The following FRMD5 variants were observed in gnomAD, a reference collection of about 807,000 sequenced individuals.
FRMD5 encodes the protein FERM domain-containing protein 5.
A neutral mutation model predicts 69.0 loss-of-function variants in FRMD5; 20 were observed. The ratio of observed to expected loss-of-function variants is 0.29; its 90% CI spans 0.20 to 0.42. The LOEUF is 0.42. Among genes scored for constraint, FRMD5 ranks in the 10% least tolerant of loss-of-function variants. The pLI is 1.00. For missense variants in FRMD5, 595 were observed against 708.6 expected (o/e 0.84, Z 1.82); for synonymous variants, 271 against 260.1 (o/e 1.04, Z -0.40).
intron 1 of FRMD5, among the ~76,000 whole-genome samples, chr15:44,192,179 T>A (rs1302668395): frequency 6.6e-6 from 1 of 152,060 alleles, no homozygotes; most frequent in African/African-American, 2.4e-5. Flanking sequence ...TGAAAAGATA[T>A]AAGGCATTTT....
At chr15:43,924,665 G>A (rs2089552137) in intron 1 of FRMD5, among the ~76,000 whole-genome samples, 1 of 152,104 alleles carries the variant, frequency 6.6e-6, no homozygotes, top group Non-Finnish European at 1.5e-5. Context: ...AGCTGACTGA[G>A]CCTCTAAAGT....
intron 1 of FRMD5, among the ~76,000 whole-genome samples, chr15:44,067,587 C>A (rs765388846): frequency 1.8e-4 from 27 of 152,270 alleles, no homozygotes; most frequent in Admixed American, 9.2e-4. Context: ...TTGCTGCATC[C>A]TCAGAGGGTG....
intron 1 of FRMD5, among the ~76,000 whole-genome samples, chr15:44,055,761 T>C (rs574566049): frequency 1.3e-5 from 2 of 152,308 alleles, no homozygotes; most frequent in African/African-American, 4.8e-5. Flanking sequence ...CCTCTGATCT[T>C]AACTATTGTG....
intron 1 of FRMD5, among the ~76,000 whole-genome samples, chr15:44,071,842 C>G (rs993339821): frequency 6.6e-6 from 1 of 152,048 alleles, no homozygotes; most frequent in African/African-American, 2.4e-5. Context: ...ACTATATACA[C>G]AAGTGCTTGT....
At chr15:43,978,962 T>C (rs149976207) in intron 1 of FRMD5, among the ~76,000 whole-genome samples, 1 of 152,358 alleles carries the variant, frequency 6.6e-6, no homozygotes, top group Non-Finnish European at 1.5e-5. Context: ...GGCAAAATAC[T>C]GTCTCCTAAA....
At chr15:44,025,582 A>C (rs1309119940) in intron 1 of FRMD5, among the ~76,000 whole-genome samples, 2 of 152,256 alleles carry the variant, frequency 1.3e-5, no homozygotes, top group African/African-American at 4.8e-5. Context: ...TACTCTATGC[A>C]TTAAATGGTA....
chr15:43,882,016 C>A (rs896013037), intron 13 of FRMD5, among the ~76,000 whole-genome samples: 3 of 152,178 alleles, frequency 2.0e-5, no homozygotes, highest in African/African-American at 7.2e-5. Context: ...CAGGTATGAA[C>A]CAATTCTGCT....
intron 1 of FRMD5, among the ~76,000 whole-genome samples, chr15:44,128,968 G>A (rs1474799222): frequency 6.6e-6 from 1 of 152,160 alleles, no homozygotes; most frequent in Non-Finnish European, 1.5e-5. Context: ...CAGCAGCTAG[G>A]AGTACAACAT....
intron 5 of FRMD5, among the ~76,000 whole-genome samples, chr15:43,906,176 G>A (rs1020521956): frequency 1.3e-5 from 2 of 152,250 alleles, no homozygotes; most frequent in South Asian, 2.1e-4. Context: ...TCAAGTCTAT[G>A]CAGAGAGACA....
intron 1 of FRMD5, among the ~76,000 whole-genome samples, chr15:43,958,073 T>C (rs1023838856): frequency 2.0e-5 from 3 of 152,220 alleles, no homozygotes; most frequent in Non-Finnish European, 2.9e-5. Flanking sequence ...CTGAATTTTG[T>C]CTTTCAGGTT....
chr15:44,065,554 C>T (rs975771564), intron 1 of FRMD5, among the ~76,000 whole-genome samples: 3 of 152,070 alleles, frequency 2.0e-5, no homozygotes, highest in Non-Finnish European at 4.4e-5. Context: ...AGGTTGAGTA[C>T]GATCTAGTAC....
chr15:43,916,926 G>C (rs1169453078), intron 4 of FRMD5, among the ~76,000 whole-genome samples: 1 of 151,668 alleles, frequency 6.6e-6, no homozygotes, highest in Non-Finnish European at 1.5e-5. Flanking sequence ...TTAAAGGTGT[G>C]CACCACCACA....
chr15:44,102,499 A>C (rs1360763629), intron 1 of FRMD5, among the ~76,000 whole-genome samples: 1 of 152,236 alleles, frequency 6.6e-6, no homozygotes, highest in African/African-American at 2.4e-5. Context: ...AGGGCTGTGG[A>C]GAAATCAGGG....
At chr15:43,939,008 T>C (rs913546020) in intron 1 of FRMD5, among the ~76,000 whole-genome samples, 2 of 151,904 alleles carry the variant, frequency 1.3e-5, no homozygotes, top group African/African-American at 2.4e-5. Context: ...ATTACAAGCA[T>C]GCACCACCAC....
At chr15:43,905,079 CTG>C (rs2089138056) in intron 6 of FRMD5, among the ~76,000 whole-genome samples, 1 of 151,966 alleles carries the variant, frequency 6.6e-6, no homozygotes, top group Admixed American at 6.6e-5. Context: ...ACCTGTCACA[CTG>C]TCACAGACTA....
At chr15:43,943,478 T>C (rs1370288330) in intron 1 of FRMD5, among the ~76,000 whole-genome samples, 1 of 152,234 alleles carries the variant, frequency 6.6e-6, no homozygotes, top group Non-Finnish European at 1.5e-5. Flanking sequence ...CTGGGTAGAA[T>C]AGTGTCCCCC....
At chr15:44,049,190 G>A (rs1595669667) in intron 1 of FRMD5, among the ~76,000 whole-genome samples, 2 of 152,194 alleles carry the variant, frequency 1.3e-5, no homozygotes, top group Non-Finnish European at 2.9e-5. Context: ...TCCCAAACCA[G>A]ACCTCTAACC....
At chr15:44,181,631 G>C (rs1214983639) in intron 1 of FRMD5, among the ~76,000 whole-genome samples, 3 of 152,184 alleles carry the variant, frequency 2.0e-5, no homozygotes, top group Non-Finnish European at 2.9e-5. Context: ...GCTGGGCACG[G>C]TGGCTCACAC....
chr15:43,879,680 G>C (rs2088469444), intron 13 of FRMD5: 1 of 398,970 alleles, frequency 2.5e-6, no homozygotes, highest in South Asian at 1.3e-4. Flanking sequence ...TGGTGGCCCA[G>C]GAAGGCAAAT....
Sources: allele counts gnomAD v4.1 joint callset (sites outside exome capture counted in the v4.1 genomes callset), GRCh38; gene constraint gnomAD v4.1.1; transcripts MANE v1.5; gene names NCBI Gene and HGNC (gene_info 2026-07-23, HGNC 2026-07-21).